Variants in CACNA1G observed in about 807,000 individuals in gnomAD.
CACNA1G encodes the protein calcium voltage-gated channel subunit alpha1 G.
In CACNA1G, 67 loss-of-function variants were observed where a neutral mutation model predicts 219.4. That is an observed-to-expected ratio of 0.31 (90% CI 0.25 to 0.37). The LOEUF is 0.37. Ranked by LOEUF, CACNA1G falls within the 10% of genes least tolerant of loss-of-function variation. The pLI, the probability that CACNA1G is intolerant of heterozygous loss-of-function variation, is 1.00. For synonymous variants in CACNA1G, 1,296 were observed against 1,345.3 expected, an observed-to-expected ratio of 0.96 and a Z score of 0.80; for missense variants, 2,380 against 3,231.4, an observed-to-expected ratio of 0.74 and a Z score of 6.39.
At chr17:50,581,970 C>T (rs759498561) in intron 9 of CACNA1G, among the ~76,000 whole-genome samples, 55 of 150,982 alleles carry the variant, frequency 3.6e-4, no homozygotes, top group Non-Finnish European at 6.5e-4. Flanking sequence ...GGTGTAAATG[C>T]TCCCACCATA....
chr17:50,593,226 G>A (rs2044722846), intron 13 of CACNA1G, among the ~76,000 whole-genome samples: 1 of 152,102 alleles, frequency 6.6e-6, no homozygotes, highest in Admixed American at 6.6e-5. Flanking sequence ...AAGAATTAAG[G>A]GGCACCACAG....
At chr17:50,607,687 T>G (rs1339666370) in intron 24 of CACNA1G, 140 bp from the exon 25 acceptor site, 2 of 686,604 alleles carry the variant, frequency 2.9e-6, no homozygotes, top group Non-Finnish European at 5.2e-6. Flanking sequence ...CTGCTTCACA[T>G]CAAACCCACA....
intron 1 of CACNA1G, among the ~76,000 whole-genome samples, chr17:50,562,935 G>A (rs1273130009): frequency 6.6e-6 from 1 of 152,028 alleles, no homozygotes; most frequent in Non-Finnish European, 1.5e-5. Context: ...TGCCACCGGG[G>A]GAAGGAAAGG....
At chr17:50,597,776 C>G (rs919801132) in intron 16 of CACNA1G, among the ~76,000 whole-genome samples, 3 of 152,198 alleles carry the variant, frequency 2.0e-5, no homozygotes, top group African/African-American at 7.2e-5. Flanking sequence ...TTTGGCTAAG[C>G]CTTCCCCATT....
Position 50,599,490 on chromosome 17 carries a change from C to T in CACNA1G, c.3321C>T (p.Arg1107=), listed in dbSNP as rs2046191343. ...CTGCAAGCAGCTGGACCAGCAGGCG[C>T]TCCAGCCGGAACAGCCTCGGCCGTG... is the stretch of plus-strand genomic sequence containing the variant. ...WSAASSWTSR[R]SSRNSLGRAP... The change falls in exon 17 of 38, where the codon CGC becomes CGT. Residue 1107 remains arginine, a synonymous_variant. Transcript: ENST00000359106. 4.4e-6 allele frequency: 7 copies of T among 1,595,956 alleles called. No homozygotes were observed. Among genetic ancestry groups the T allele is most frequent in the Non-Finnish European group, 6.0e-6 (7 of 1,172,160 alleles).
chr17:50,590,680 G>A (rs941106855), intron 10 of CACNA1G, 58 bp downstream of exon 10: 1 of 1,539,286 alleles, frequency 6.5e-7, no homozygotes. Context: ...GGGTGGCTTG[G>A]GGCCAGGGGC....
Position 50,599,732 on chromosome 17 carries a change from G to C in CACNA1G, c.3563G>C (p.Ser1188Thr), listed in dbSNP as rs1283082113. Residue 1188 changes from serine (S) to threonine (T), a missense_variant, in exon 17 of 38, where the codon AGT becomes ACT. Around this residue, in one of 17 missense-constraint regions of CACNA1G, gnomAD observed 418 missense variants for 434.3 expected, o/e 0.96. Coordinates refer to ENST00000359106, the MANE Select transcript of CACNA1G (RefSeq NM_018896.5). ...LQVPGLHRTA[S>T]GRGSASEHQD... ...GTGCCAGGGCTGCATCGCACTGCCA[G>C]TGGCCGAGGGTCTGCTTCTGAGCAC... is the stretch of plus-strand genomic sequence containing the variant. 2 of 1,613,522 alleles carry C rather than the reference G, an allele frequency of 1.2e-6. No homozygotes were observed. Among genetic ancestry groups the C allele is most frequent in the Non-Finnish European group, 8.5e-7 (1 of 1,179,812 alleles).
intron 4 of CACNA1G, among the ~76,000 whole-genome samples, chr17:50,570,773 T>G (rs2039253674): frequency 6.6e-6 from 1 of 151,694 alleles, no homozygotes; most frequent in Non-Finnish European, 1.5e-5. Context: ...ATGCAAACCC[T>G]GAGGAATTGA....
At position 50,623,940 on chromosome 17, in the gene CACNA1G, G is replaced by GACTT; in HGVS notation, c.6098_6101dup (p.Val2036AspfsTer16). On this transcript the variant is annotated frameshift_variant, in exon 36 of 38. Coordinates refer to ENST00000359106, the MANE Select transcript of CACNA1G (RefSeq NM_018896.5). LOFTEE classifies it high-confidence loss of function. ...CCACCCCACGGAGCTGCCAGGACCA[G>GACTT]ACTTACTGACTGTGCGGAAGTCTGG... 6.2e-7 allele frequency: 1 copy of GACTT among 1,613,102 alleles called. No individual in the cohort carries two copies. Among genetic ancestry groups the GACTT allele is most frequent in the East Asian group, 2.2e-5 (1 of 44,844 alleles).
intron 26 of CACNA1G, among the ~76,000 whole-genome samples, chr17:50,611,047 G>A (rs1387901529): frequency 6.6e-6 from 1 of 151,796 alleles, no homozygotes; most frequent in Non-Finnish European, 1.5e-5. Context: ...TGAGGTCAGG[G>A]GTTTGAGACC....
At chr17:50,614,294 C>T (rs560185037) in intron 26 of CACNA1G, among the ~76,000 whole-genome samples, 1 of 152,350 alleles carries the variant, frequency 6.6e-6, no homozygotes, top group African/African-American at 2.4e-5. Context: ...TCAGAGGCGG[C>T]AGCCCTCACT....
intron 7 of CACNA1G, chr17:50,573,508 A>G (rs2039921476): frequency 5.9e-6 from 1 of 169,130 alleles, no homozygotes; most frequent in African/African-American, 2.4e-5. Flanking sequence ...CTCACATATC[A>G]TTCAATTCAT....
chr17:50,569,814 C>T lies in CACNA1G; in HGVS notation c.586+11C>T, dbSNP rs754291593. On this transcript the variant is annotated intron_variant, in intron 4 of 37. Transcript: ENST00000359106. ...TTAACCGGGTGCCCAGTGAGTGACCCCTCAGCCCTCAGCCCCTGAAGAGAG... is the reference window on the plus strand; with the variant it reads ...TTAACCGGGTGCCCAGTGAGTGACCTCTCAGCCCTCAGCCCCTGAAGAGAG... The T allele has an allele frequency of 3.9e-5, 60 of 1,537,404 alleles. No individual in the cohort carries two copies. The highest frequency in any genetic ancestry group is 4.8e-5 in the Non-Finnish European group (55 of 1,136,422).
rs766099921 is a variant in CACNA1G at position 50,576,317 on chromosome 17, C to G, written c.1915C>G (p.Gln639Glu). Residue 639 changes from glutamine to glutamate, a missense_variant, in exon 8 of 38, where the codon CAG (glutamine) becomes GAG (glutamate). Gln to Glu is a conservative substitution (Grantham distance 29, BLOSUM62 2). Around this residue, in one of 17 missense-constraint regions of CACNA1G, gnomAD observed 434 missense variants for 417.3 expected, o/e 1.04. Transcript: ENST00000359106. ...YSSMHKLLET[Q>E]STGACQSSCK... ...CTCCATGCACAAGCTGCTGGAGACA[C>G]AGAGTACAGGTGAGAACTCTGGGTG... The G allele has an allele frequency of 5.1e-6, 8 of 1,571,068 alleles. No homozygotes were observed. The Admixed American group carries it at 1.5e-4, about 29-fold the overall frequency.
chr17:50,567,378 CAG>C, intron 1 of CACNA1G, among the ~76,000 whole-genome samples: 1 of 152,132 alleles, frequency 6.6e-6, no homozygotes, highest in South Asian at 2.1e-4. Context: ...GGAGAAGAGA[CAG>C]GGGAGGGCTG....
chr17:50,576,430 T>A, intron 8 of CACNA1G, 104 bp downstream of exon 8: 1 of 1,138,008 alleles, frequency 8.8e-7, no homozygotes, highest in Non-Finnish European at 1.3e-6. Flanking sequence ...GGGCTTATAT[T>A]CTCATGCTGC....
Position 50,599,629 on chromosome 17 carries a change from G to A in CACNA1G, c.3460G>A (p.Ala1154Thr), listed in dbSNP as rs767894920. 7 of 1,612,878 alleles carry A rather than the reference G, an allele frequency of 4.3e-6. No homozygotes were observed. The Admixed American group carries it at 5.0e-5, about 12-fold the overall frequency. ...ESSEEERASP[A>T]GSDHRHRGSL... ...CTCAGAAGAGGAGCGGGCCAGCCCT[G>A]CGGGCAGTGACCATCGCCACAGGGG... The change falls in exon 17 of 38, where the codon GCG (alanine) becomes ACG (threonine). Residue 1154 changes from alanine (A) to threonine (T), a missense_variant. Ala to Thr is a moderately conservative substitution (Grantham distance 58). Around this residue, in one of 17 missense-constraint regions of CACNA1G, gnomAD observed 418 missense variants for 434.3 expected, o/e 0.96. Transcript: ENST00000359106.
At chr17:50,590,356 C>A in intron 9 of CACNA1G, 115 bp from the exon 10 acceptor site, 1 of 1,194,484 alleles carries the variant, frequency 8.4e-7, no homozygotes. Flanking sequence ...CCAGCAACCC[C>A]TCCGCACAAG....
At chr17:50,574,734 G>A (rs891551720) in intron 7 of CACNA1G, among the ~76,000 whole-genome samples, 3 of 151,876 alleles carry the variant, frequency 2.0e-5, no homozygotes, top group African/African-American at 4.8e-5. Context: ...ACTAGGACAC[G>A]ATCTAGAAAA....
Sources: gnomAD v4.1 joint callset for allele counts (sites outside exome capture counted in the v4.1 genomes callset) on GRCh38, gnomAD v4.1.1 for gene constraint, gnomAD v4.1.1 regional missense constraint, MANE v1.5 for transcripts, NCBI Gene and HGNC (gene_info 2026-07-23, HGNC 2026-07-21) for gene names.